The following FBXO11 variants were observed in gnomAD, a reference collection of about 807,000 sequenced individuals.
FBXO11 encodes the protein F-box only protein 11.
Under a neutral mutation model 117.0 loss-of-function variants are expected in FBXO11, and 13 were observed. The observed-to-expected ratio is 0.11, with a 90% CI of 0.07 to 0.18. The LOEUF (loss-of-function observed/expected upper bound fraction) is 0.18, where lower values mean the gene tolerates loss of function less well. Among genes scored for constraint, FBXO11 ranks in the 10% least tolerant of loss-of-function variants. FBXO11 has a pLI of 1.00. For missense variants in FBXO11, 767 were observed against 1,164.4 expected (o/e 0.66, Z 4.97); for synonymous variants, 490 against 380.5 (o/e 1.29, Z -3.35).
chr2:47,830,721 G>C (rs999554611), intron 11 of FBXO11, among the ~76,000 whole-genome samples: 1 of 152,130 alleles, frequency 6.6e-6, no homozygotes, highest in Non-Finnish European at 1.5e-5. Context: ...ATGGTATAAG[G>C]AGTGTGTGTG....
chr2:47,857,133 TAGGGCACC>T (rs1167161643), intron 1 of FBXO11, among the ~76,000 whole-genome samples: 1 of 152,198 alleles, frequency 6.6e-6, no homozygotes, highest in Non-Finnish European at 1.5e-5. Flanking sequence ...TTCTTTTAAT[TAGGGCACC>T]AGATTTCCAA....
intron 4 of FBXO11, 147 bp from the exon 5 acceptor site, chr2:47,836,148 T>A: frequency 3.6e-6 from 2 of 548,038 alleles, no homozygotes; most frequent in Non-Finnish European, 6.1e-6. Flanking sequence ...TCACAGGATT[T>A]TTTTTTTGAG....
chr2:47,813,297 G>A lies in FBXO11; in HGVS notation c.2164C>T (p.Leu722=), dbSNP rs1198075450. Residue 722 remains leucine (L), a synonymous_variant, in exon 18 of 23, where the codon CTA becomes TTA. Coordinates refer to ENST00000403359, the MANE Select transcript of FBXO11 (RefSeq NM_001190274.2). ...VWIKTDSNPT[L]RRNKIHDGRD... Reference sequence around the variant, plus strand: ...CCATCATGGATTTTATTTCTTCTTAGTGTAGGATTACTATCTGTCTTAATC... The same window carrying A: ...CCATCATGGATTTTATTTCTTCTTAATGTAGGATTACTATCTGTCTTAATC... 6.2e-7 allele frequency: 1 copy of A among 1,611,740 alleles called. No homozygotes were observed. The highest frequency in any genetic ancestry group is 8.5e-7 in the Non-Finnish European group (1 of 1,178,222).
At chr2:47,839,843 T>A in intron 1 of FBXO11, 74 bp from the exon 2 acceptor site, 1 of 1,408,546 alleles carries the variant, frequency 7.1e-7, no homozygotes, top group Non-Finnish European at 9.6e-7. Context: ...AAAACTTTCT[T>A]AAAACTTCAA....
chr2:47,828,451 C>T (rs919283650), intron 11 of FBXO11, among the ~76,000 whole-genome samples: 9 of 151,966 alleles, frequency 5.9e-5, no homozygotes, highest in Non-Finnish European at 1.5e-5. Context: ...GTACTAAAAA[C>T]ACAAAAGTTA....
At chr2:47,825,559 TTTCTTC>T (rs1384707683) in intron 11 of FBXO11, among the ~76,000 whole-genome samples, 1 of 151,136 alleles carries the variant, frequency 6.6e-6, no homozygotes, top group African/African-American at 2.4e-5. Context: ...TGGTGGATTT[TTTCTTC>T]TTCTTCTTTT....
chr2:47,894,627 G>C (rs190105738), intron 1 of FBXO11, among the ~76,000 whole-genome samples: 2 of 152,236 alleles, frequency 1.3e-5, no homozygotes, highest in Admixed American at 1.3e-4. Flanking sequence ...GGAAATCAAA[G>C]TGATATTAAG....
intron 1 of FBXO11, among the ~76,000 whole-genome samples, chr2:47,893,804 G>A (rs984147474): frequency 6.6e-6 from 1 of 152,150 alleles, no homozygotes; most frequent in African/African-American, 2.4e-5. Context: ...AGACACAAAT[G>A]TCACCCTGAA....
intron 1 of FBXO11, among the ~76,000 whole-genome samples, chr2:47,895,425 T>A (rs1425391944): frequency 6.6e-6 from 1 of 152,200 alleles, no homozygotes; most frequent in African/African-American, 2.4e-5. Context: ...ACTGGGGGGT[T>A]ACATTTACAT....
intron 1 of FBXO11, among the ~76,000 whole-genome samples, chr2:47,851,401 T>C (rs1181909700): frequency 6.6e-6 from 1 of 152,052 alleles, no homozygotes; most frequent in African/African-American, 2.4e-5. Context: ...TGGCTAATTT[T>C]TGTATTTAGT....
intron 14 of FBXO11, 69 bp from the exon 15 acceptor site, chr2:47,819,147 CT>C: frequency 1.4e-6 from 2 of 1,470,208 alleles, no homozygotes; most frequent in Non-Finnish European, 9.2e-7. Context: ...CTGTTACCCC[CT>C]TTATAGACAG....
chr2:47,852,597 T>A (rs1398865181), intron 1 of FBXO11, among the ~76,000 whole-genome samples: 1 of 152,226 alleles, frequency 6.6e-6, no homozygotes, highest in Admixed American at 6.5e-5. Context: ...TTTTTATTTT[T>A]ACTTTTCACT....
chr2:47,897,668 G>C (rs1677776520), intron 1 of FBXO11, among the ~76,000 whole-genome samples: 1 of 135,776 alleles, frequency 7.4e-6, no homozygotes, highest in South Asian at 2.3e-4. Flanking sequence ...TTGCACTCCA[G>C]CCTGGGTGAC....
At chr2:47,821,044 G>A (rs778357798) in intron 13 of FBXO11, among the ~76,000 whole-genome samples, 1 of 152,160 alleles carries the variant, frequency 6.6e-6, no homozygotes, top group Non-Finnish European at 1.5e-5. Flanking sequence ...AACTACCACA[G>A]AAACAATTAA....
intron 1 of FBXO11, among the ~76,000 whole-genome samples, chr2:47,866,608 G>A (rs1036194207): frequency 9.9e-5 from 15 of 151,868 alleles, no homozygotes; most frequent in African/African-American, 3.6e-4. Flanking sequence ...CGAGTAGCTA[G>A]GATTACAGGC....
At position 47,832,891 on chromosome 2, in the gene FBXO11, A is replaced by C. The variant is rs746291822; in HGVS notation, c.1042-11T>G. 6.2e-7 allele frequency: 1 copy of C among 1,612,620 alleles called. No homozygotes were observed. The highest frequency in any genetic ancestry group is 1.3e-5 in the African/African-American group (1 of 75,002). On this transcript the variant is annotated splice_polypyrimidine_tract_variant and intron_variant, in intron 8 of 22. Transcript: ENST00000403359. ...GTCATCAGGGTTAAACTGAAAAGTA[A>C]AAATTTTGTTTGAAATAAACAATTA...
rs751613889 is a variant in FBXO11, at chr2:47,835,929, C to A, written c.660G>T (p.Gln220His). ...MMHPEPGKFYQINPEEYEHPN... is the reference protein window; with the variant it reads ...MMHPEPGKFYHINPEEYEHPN... ...GATGTTCATACTCTTCTGGATTAAT[C>A]TGGTAGAATTTTCCAGGTTCAGGAT... The change falls in exon 5 of 23, where the codon CAG becomes CAT. Residue 220 changes from glutamine (Q) to histidine (H), a missense_variant. This residue lies in a region of FBXO11 where 355 missense variants were observed against 299.8 expected (regional missense o/e 1.18). Transcript: ENST00000403359. 4.3e-6 allele frequency: 7 copies of A among 1,611,904 alleles called. No homozygotes were observed. In the African/African-American group the frequency reaches 5.3e-5, roughly 12 times the overall value.
At position 47,818,873 on chromosome 2, in the gene FBXO11, T is replaced by TAA. The variant is rs374445177; in HGVS notation, c.1921-11_1921-10dup. 136 of 1,417,858 alleles carry TAA rather than the reference T, an allele frequency of 9.6e-5. No homozygotes were observed. The highest frequency in any genetic ancestry group is 1.9e-4 in the Middle Eastern group (1 of 5,356). The allele number at this position is 1,417,858 out of a possible 1,614,324, so 87.8% of individuals were successfully genotyped here. A position where few individuals can be genotyped will look rare whatever the true frequency, so the allele number is the denominator to read the frequency against. On this transcript the variant is annotated splice_polypyrimidine_tract_variant and intron_variant, in intron 15 of 22. Coordinates refer to ENST00000403359, the MANE Select transcript of FBXO11 (RefSeq NM_001190274.2). ...TAAAAATAAACACCAACCTAAAATT[T>TAA]AAAAAAAAAAAAAAAGCTTTTTCAA...
At chr2:47,896,998 T>C (rs554048983) in intron 1 of FBXO11, among the ~76,000 whole-genome samples, 1 of 152,230 alleles carries the variant, frequency 6.6e-6, no homozygotes, top group Non-Finnish European at 1.5e-5. Context: ...TTTATTCACT[T>C]CTAATTCCCT....
Sources: gnomAD v4.1 joint callset for allele counts (sites outside exome capture counted in the v4.1 genomes callset) on GRCh38, gnomAD v4.1.1 for gene constraint, gnomAD v4.1.1 regional missense constraint, MANE v1.5 for transcripts, NCBI Gene and HGNC (gene_info 2026-07-23, HGNC 2026-07-21) for gene names.